MAPK10: variants seen among roughly 807,000 people sequenced by gnomAD.
MAPK10 encodes JNK3 alpha protein kinase.
MAPK10 carries 25 observed loss-of-function variants against 59.3 expected under a neutral mutation model. That is an observed-to-expected ratio of 0.42 (90% CI 0.31 to 0.59). The LOEUF is 0.59. Among genes scored for constraint, MAPK10 ranks in the 20% least tolerant of loss-of-function variants. The pLI is 0.15. For synonymous variants in MAPK10, 190 were observed against 200.5 expected (o/e 0.95, Z 0.44); for missense variants, 351 against 568.9 (o/e 0.62, Z 3.90).
chr4:86,077,590 CATT>C (rs1223758978), intron 9 of MAPK10, among the ~76,000 whole-genome samples: 5 of 152,148 alleles, frequency 3.3e-5, no homozygotes, highest in African/African-American at 1.2e-4. Flanking sequence ...TTTCTTCTAT[CATT>C]GATTGCTTTT....
chr4:86,507,671 T>A (rs868316646), intron 1 of MAPK10, among the ~76,000 whole-genome samples: 53 of 102,532 alleles, frequency 5.2e-4, no homozygotes, highest in African/African-American at 1.2e-3. Context: ...TATATATATA[T>A]AAAATCATGT....
chr4:86,108,333 A>T (rs988179818), intron 4 of MAPK10, among the ~76,000 whole-genome samples: 1 of 152,146 alleles, frequency 6.6e-6, no homozygotes, highest in Non-Finnish European at 1.5e-5. Context: ...GCACTCACAA[A>T]ATATGTGACC....
At chr4:86,354,134 A>G (rs1472985628) in intron 2 of MAPK10, among the ~76,000 whole-genome samples, 1 of 152,008 alleles carries the variant, frequency 6.6e-6, no homozygotes, top group Non-Finnish European at 1.5e-5. Context: ...TCCTGAAAGA[A>G]AACCATAATT....
At chr4:86,496,113 C>T (rs929463958) in intron 1 of MAPK10, among the ~76,000 whole-genome samples, 1 of 152,100 alleles carries the variant, frequency 6.6e-6, no homozygotes, top group Non-Finnish European at 1.5e-5. Context: ...CAAAAAAGCC[C>T]AAATGCTATA....
Position 86,251,381 on chromosome 4 carries a change from T to G in MAPK10, c.-6-56974A>C, listed in dbSNP as rs1034073378. Among the ~76,000 whole-genome samples the G allele has an allele frequency of 4.0e-5, 6 of 151,174 alleles. 1 individual carries two copies. The Middle Eastern group carries it at 0.02, about 514-fold the overall frequency. ...TGATATTCCCCTTCCTGTGTCCATG[T>G]GATCTCATTGTTCAATCCCCACCTA... On this transcript the variant is annotated intron_variant, in intron 2 of 13. Coordinates refer to ENST00000641462, the MANE Select transcript of MAPK10 (RefSeq NM_138982.4).
intron 2 of MAPK10, among the ~76,000 whole-genome samples, chr4:86,351,211 C>T (rs935291458): frequency 2.6e-5 from 4 of 151,792 alleles, no homozygotes; most frequent in African/African-American, 9.7e-5. Flanking sequence ...AATACCTGGA[C>T]TTTATAAAAT....
chr4:86,215,481 T>C (rs888822379), intron 2 of MAPK10, among the ~76,000 whole-genome samples: 1 of 151,900 alleles, frequency 6.6e-6, no homozygotes, highest in Non-Finnish European at 1.5e-5. Flanking sequence ...ACCTGTGGAG[T>C]GGGAGAAAAT....
intron 1 of MAPK10, among the ~76,000 whole-genome samples, chr4:86,371,682 G>T (rs4618275): frequency 0.73 from 110,895 of 151,998 alleles, 41,058 homozygotes; most frequent in South Asian, 0.9. Context: ...CTGAGGTACC[G>T]GGCTCATCTC....
At chr4:86,265,277 G>T (rs1436085732) in intron 2 of MAPK10, among the ~76,000 whole-genome samples, 1 of 152,008 alleles carries the variant, frequency 6.6e-6, no homozygotes. Context: ...CACTTTGGGA[G>T]GCAGGTGTAT....
intron 1 of MAPK10, among the ~76,000 whole-genome samples, chr4:86,461,090 G>A (rs1285759905): frequency 6.6e-6 from 1 of 151,806 alleles, no homozygotes; most frequent in Non-Finnish European, 1.5e-5. Context: ...AGTGATGGTT[G>A]GAGAACGTGG....
At chr4:86,496,305 T>C (rs1754869814) in intron 1 of MAPK10, among the ~76,000 whole-genome samples, 1 of 152,220 alleles carries the variant, frequency 6.6e-6, no homozygotes, top group African/African-American at 2.4e-5. Context: ...GGGAGGCCAA[T>C]ATGCATTTGA....
rs3527 is a variant in MAPK10, at chr4:86,017,027, T to G, written c.*201A>C. ...AGCAAGAGCAACTAGAAGTTAAATA[T>G]ACATTTGAGCTTAGCTGCAATACAG... On this transcript the variant is annotated 3_prime_UTR_variant, in exon 14 of 14. Transcript: ENST00000641462. The surrounding 1 kb of genome is among the most constrained non-coding windows in gnomAD (Gnocchi z 4.4). The G allele has an allele frequency of 2.1e-5, 11 of 513,412 alleles. No homozygotes were observed. The highest frequency in any genetic ancestry group is 2.1e-4 in the African/African-American group (11 of 51,890). 31.8% of individuals were successfully genotyped at this position (513,412 alleles called of 1,614,324 possible).
chr4:86,568,266 T>G (rs1205902474), intron 1 of MAPK10, among the ~76,000 whole-genome samples: 1 of 151,992 alleles, frequency 6.6e-6, no homozygotes, highest in Non-Finnish European at 1.5e-5. Flanking sequence ...CAAGAAAAAC[T>G]ACAAAACACT....
chr4:86,423,678 G>GT (rs1171769890), intron 1 of MAPK10, among the ~76,000 whole-genome samples: 1 of 150,872 alleles, frequency 6.6e-6, no homozygotes, highest in East Asian at 1.9e-4. Context: ...TGAGAATGGT[G>GT]TGAGACTTCA....
intron 1 of MAPK10, among the ~76,000 whole-genome samples, chr4:86,432,836 A>G (rs1748221828): frequency 6.6e-6 from 1 of 152,194 alleles, no homozygotes; most frequent in African/African-American, 2.4e-5. Flanking sequence ...GGCTTGACTC[A>G]CAGGGATCAA....
intron 3 of MAPK10, among the ~76,000 whole-genome samples, chr4:86,176,608 G>A (rs138510702): frequency 8.1e-4 from 123 of 151,610 alleles, no homozygotes; most frequent in African/African-American, 2.9e-3. Context: ...ATAACTAAGG[G>A]TATTCATTAA....
chr4:86,129,652 T>C (rs957497245), intron 4 of MAPK10, among the ~76,000 whole-genome samples: 13 of 152,144 alleles, frequency 8.5e-5, no homozygotes, highest in Non-Finnish European at 2.9e-5. Context: ...TAAATGCACG[T>C]CCTGCTCTTG....
At position 86,201,834 on chromosome 4, in the gene MAPK10, G is replaced by A. The variant is rs146211122; in HGVS notation, c.-6-7427C>T. ...GTCTTTTTCTTCTTCTTTTTTTAGT[G>A]ATTGTTCTAGAGTTAACACCCTACA... On this transcript the variant is annotated intron_variant, in intron 2 of 13. Transcript: ENST00000641462. Among the ~76,000 whole-genome samples, 675 of 151,414 alleles carry A rather than the reference G, an allele frequency of 4.5e-3. 4 individuals are homozygous for A. Among genetic ancestry groups the A allele is most frequent in the Non-Finnish European group, 8.3e-3 (559 of 67,708 alleles).
At chr4:86,159,992 T>C (rs1361211414) in intron 3 of MAPK10, among the ~76,000 whole-genome samples, 1 of 152,044 alleles carries the variant, frequency 6.6e-6, no homozygotes, top group Non-Finnish European at 1.5e-5. Context: ...TTAAACAGTC[T>C]TGACTTCATT....
Sources: allele counts gnomAD v4.1 joint callset (sites outside exome capture counted in the v4.1 genomes callset), GRCh38; gene constraint gnomAD v4.1.1; non-coding constraint Gnocchi (gnomAD v3.1); transcripts MANE v1.5; gene names NCBI Gene and HGNC (gene_info 2026-07-23, HGNC 2026-07-21).